Variants in PIWIL4 observed in about 807,000 individuals in gnomAD.
The protein encoded by PIWIL4 is piwi like RNA-mediated gene silencing 4.
A neutral mutation model predicts 100.9 loss-of-function variants in PIWIL4; 50 were observed. That is an observed-to-expected ratio of 0.50 (90% CI 0.39 to 0.63). The LOEUF (loss-of-function observed/expected upper bound fraction) is 0.63. Among genes scored for constraint, PIWIL4 ranks in the 20% least tolerant of loss-of-function variants. The pLI is 0.00. For synonymous variants in PIWIL4, 342 were observed against 367.5 expected (o/e 0.93, Z 0.79); for missense variants, 887 against 1,043.3 (o/e 0.85, Z 2.06).
intron 12 of PIWIL4, 69 bp from the exon 13 acceptor site, chr11:94,603,915 C>G (rs913756452): frequency 1.1e-6 from 1 of 914,830 alleles, no homozygotes; most frequent in Admixed American, 2.2e-5. Context: ...TGTATTATTT[C>G]TAATGCCATA....
intron 9 of PIWIL4, 25 bp from the exon 10 acceptor site, chr11:94,595,284 C>G: frequency 6.3e-7 from 1 of 1,598,710 alleles, no homozygotes; most frequent in African/African-American, 1.3e-5. Flanking sequence ...CATTTTCTCA[C>G]TTTGTCTTCA....
Position 94,608,666 on chromosome 11 carries a change from T to C in PIWIL4, c.1923T>C (p.Ser641=), listed in dbSNP as rs1948753145. ...KDVMVVGCVA[S]VNPRITRWFS... Reference sequence around the variant, plus strand: ...TGATGGTTGTTGGATGCGTGGCCAGTGTTAACCCCAGAATCACCAGGTACT... The same window carrying C: ...TGATGGTTGTTGGATGCGTGGCCAGCGTTAACCCCAGAATCACCAGGTACT... The change falls in exon 15 of 20, where the codon AGT becomes AGC. Residue 641 remains serine, a synonymous_variant. Transcript: ENST00000299001. 1.2e-6 allele frequency: 2 copies of C among 1,613,998 alleles called. No homozygotes were observed. Among genetic ancestry groups the C allele is most frequent in the Non-Finnish European group, 8.5e-7 (1 of 1,179,966 alleles).
chr11:94,577,611 T>C, intron 4 of PIWIL4, 119 bp downstream of exon 4: 1 of 862,728 alleles, frequency 1.2e-6, no homozygotes, highest in Non-Finnish European at 1.7e-6. Context: ...AAAAATAGAA[T>C]TAAAAGGTAA....
At chr11:94,600,602 A>AC (rs1401081773) in intron 11 of PIWIL4, among the ~76,000 whole-genome samples, 1 of 152,192 alleles carries the variant, frequency 6.6e-6, no homozygotes, top group African/African-American at 2.4e-5. Flanking sequence ...AGTTTCGGGC[A>AC]CCGTTGTCAC....
At position 94,620,032 on chromosome 11, in the gene PIWIL4, G is replaced by A. The variant is rs772647055; in HGVS notation, c.2330G>A (p.Arg777Gln). Reference sequence around the variant, plus strand: ...TATCTGATCAGCCAGGTGGCCTGCCGGGGAACTGTTAGTCCTACCTACTAT... The same window carrying A: ...TATCTGATCAGCCAGGTGGCCTGCCAGGGAACTGTTAGTCCTACCTACTAT... ...DFYLISQVAC[R>Q]GTVSPTYYNV... Residue 777 changes from arginine (R) to glutamine (Q), a missense_variant, in exon 19 of 20, where the codon CGG becomes CAG. Transcript: ENST00000299001. 1.5e-5 allele frequency: 25 copies of A among 1,614,050 alleles called. No homozygotes were observed. In the Middle Eastern group the frequency reaches 1.3e-3, roughly 85 times the overall value.
chr11:94,592,792 A>G (rs1948504522), intron 8 of PIWIL4, among the ~76,000 whole-genome samples: 1 of 152,190 alleles, frequency 6.6e-6, no homozygotes, highest in African/African-American at 2.4e-5. Context: ...GAGACTGCTG[A>G]AACTTAAGTT....
In PIWIL4 at chr11:94,575,080, T is replaced by G; in HGVS notation, c.248T>G (p.Leu83Trp). 1 of 1,614,002 alleles carries G rather than the reference T, an allele frequency of 6.2e-7. No individual in the cohort carries two copies. The highest frequency in any genetic ancestry group is 8.5e-7 in the Non-Finnish European group (1 of 1,179,934). Residue 83 changes from leucine (L) to tryptophan (W), a missense_variant, in exon 3 of 20, where the codon TTG becomes TGG. By Grantham distance (61) the Leu-to-Trp change is moderately conservative. Transcript: ENST00000299001. The part of the protein sequence containing the change: ...GVKNKQDFMD[L>W]SICTREKLAH... ...AAAAACAAACAGGACTTTATGGATT[T>G]GAGTATCTGTACCAGAGAAAAATTG...
intron 9 of PIWIL4, among the ~76,000 whole-genome samples, chr11:94,594,658 G>A (rs970125565): frequency 1.2e-4 from 18 of 151,844 alleles, no homozygotes; most frequent in African/African-American, 3.9e-4. Flanking sequence ...TCTGCCTCCC[G>A]AGTAGCTGGG....
chr11:94,597,815 C>G lies in PIWIL4; in HGVS notation c.1280C>G (p.Ala427Gly). The change falls in exon 11 of 20, where the codon GCT becomes GGT. Residue 427 changes from alanine (A) to glycine (G), a missense_variant. Ala to Gly is a moderately conservative substitution (Grantham distance 60). Coordinates refer to ENST00000299001, the MANE Select transcript of PIWIL4 (RefSeq NM_152431.3). ...LVDNIQRNTN[A>G]RFELETWGLH... Reference sequence around the variant, plus strand: ...AACTTTATCAACAGGAATACCAATGCTCGCTTTGAACTAGAGACCTGGGGA... The same window carrying G: ...AACTTTATCAACAGGAATACCAATGGTCGCTTTGAACTAGAGACCTGGGGA... 2 of 1,612,454 alleles carry G rather than the reference C, an allele frequency of 1.2e-6. No homozygotes were observed. Among genetic ancestry groups the G allele is most frequent in the South Asian group, 1.1e-5 (1 of 90,988 alleles).
At chr11:94,584,967 G>A (rs773737487) in intron 5 of PIWIL4, among the ~76,000 whole-genome samples, 4 of 152,210 alleles carry the variant, frequency 2.6e-5, no homozygotes, top group Non-Finnish European at 5.9e-5. Context: ...TGCGGAGGCT[G>A]AGGCAAGAGA....
chr11:94,611,319 T>G (rs1948785189), intron 15 of PIWIL4, among the ~76,000 whole-genome samples: 1 of 152,222 alleles, frequency 6.6e-6, no homozygotes, highest in Non-Finnish European at 1.5e-5. Context: ...AATTTAGTTT[T>G]TAGTATTTTG....
At chr11:94,592,818 A>AGAG (rs1948504999) in intron 8 of PIWIL4, among the ~76,000 whole-genome samples, 1 of 152,194 alleles carries the variant, frequency 6.6e-6, no homozygotes, top group South Asian at 2.1e-4. Context: ...TGGTAAAGGG[A>AGAG]GAGGAATATG....
At chr11:94,581,341 G>A (rs1948314885) in intron 4 of PIWIL4, among the ~76,000 whole-genome samples, 1 of 152,170 alleles carries the variant, frequency 6.6e-6, no homozygotes, top group South Asian at 2.1e-4. Flanking sequence ...GAGCGAGAGT[G>A]ATAGTTCCTT....
At chr11:94,609,401 A>G (rs656244) in intron 15 of PIWIL4, among the ~76,000 whole-genome samples, 90,478 of 151,996 alleles carry the variant, frequency 0.6, 26,948 homozygotes, top group East Asian at 0.67. Flanking sequence ...ATTGAACAAT[A>G]TGTTTTGAGC....
intron 8 of PIWIL4, among the ~76,000 whole-genome samples, chr11:94,593,047 G>A (rs1467670106): frequency 1.3e-5 from 2 of 152,204 alleles, no homozygotes; most frequent in South Asian, 2.1e-4. Context: ...TAGAAGGTAA[G>A]GACAGTCATG....
At chr11:94,600,015 A>C (rs1948611961) in intron 11 of PIWIL4, among the ~76,000 whole-genome samples, 1 of 152,174 alleles carries the variant, frequency 6.6e-6, no homozygotes, top group Admixed American at 6.5e-5. Context: ...GGAGATTAGC[A>C]TACAATGTGG....
At chr11:94,610,791 CT>C (rs1235428538) in intron 15 of PIWIL4, among the ~76,000 whole-genome samples, 1 of 151,882 alleles carries the variant, frequency 6.6e-6, no homozygotes, top group African/African-American at 2.4e-5. Context: ...TAATTATTTC[CT>C]TTGCTATGCA....
chr11:94,574,935 G>C, intron 2 of PIWIL4, 64 bp from the exon 3 acceptor site: 1 of 1,501,070 alleles, frequency 6.7e-7, no homozygotes, highest in South Asian at 1.2e-5. Context: ...TTTTGACATA[G>C]TAGTTGCAAA....
chr11:94,611,862 C>T (rs766967966), intron 15 of PIWIL4, among the ~76,000 whole-genome samples: 21 of 152,124 alleles, frequency 1.4e-4, no homozygotes, highest in Admixed American at 1.1e-3. Context: ...TAAGACCATG[C>T]GTCAAATAAA....
Sources: allele counts gnomAD v4.1 joint callset (sites outside exome capture counted in the v4.1 genomes callset), GRCh38; gene constraint gnomAD v4.1.1; transcripts MANE v1.5; gene names NCBI Gene and HGNC (gene_info 2026-07-23, HGNC 2026-07-21).